HS3ST5: variants seen among roughly 807,000 people sequenced by gnomAD.
HS3ST5 encodes the protein heparan sulfate-glucosamine 3-sulfotransferase 5, also known as heparan sulfate glucosamine 3-O-sulfotransferase 5.
In HS3ST5, 10 loss-of-function variants were observed where a neutral mutation model predicts 25.4. The observed-to-expected ratio is 0.39, with a 90% CI of 0.24 to 0.67. HS3ST5 has a LOEUF of 0.67. HS3ST5 is among the 30% of genes least tolerant of loss of function. The pLI is 0.44. For missense variants in HS3ST5, 324 were observed against 420.7 expected, an observed-to-expected ratio of 0.77 and a Z score of 2.01; for synonymous variants, 170 against 162.4, an observed-to-expected ratio of 1.05 and a Z score of -0.36.
At chr6:114,283,732 A>T (rs1439087902) in intron 1 of HS3ST5, among the ~76,000 whole-genome samples, 1 of 151,988 alleles carries the variant, frequency 6.6e-6, no homozygotes, top group Non-Finnish European at 1.5e-5. Context: ...TCCTAATGAG[A>T]TGTGCAATTC....
intron 1 of HS3ST5, among the ~76,000 whole-genome samples, chr6:114,265,866 C>T (rs968076485): frequency 2.0e-5 from 3 of 152,104 alleles, no homozygotes; most frequent in Non-Finnish European, 4.4e-5. Flanking sequence ...TGGTGTGTTT[C>T]AGCACCCTAT....
chr6:114,321,564 T>G (rs1431659423), intron 1 of HS3ST5, among the ~76,000 whole-genome samples: 1 of 152,150 alleles, frequency 6.6e-6, no homozygotes, highest in Non-Finnish European at 1.5e-5. Context: ...CAATAGTTGT[T>G]AACAGTGCAA....
At chr6:114,231,577 C>G (rs1028234808) in intron 1 of HS3ST5, 1 of 152,066 alleles carries the variant, frequency 6.6e-6, no homozygotes, top group Non-Finnish European at 1.5e-5. Flanking sequence ...TCCAGATTTC[C>G]TATCCCTTTC....
chr6:114,154,223 A>T (rs1778591903), intron 3 of HS3ST5, among the ~76,000 whole-genome samples: 1 of 152,192 alleles, frequency 6.6e-6, no homozygotes, highest in South Asian at 2.1e-4. Context: ...TGACTAGAGA[A>T]GTCTGTGATC....
intron 4 of HS3ST5, chr6:114,059,214 C>T (rs1772951138): frequency 6.6e-6 from 1 of 152,166 alleles, no homozygotes; most frequent in African/African-American, 2.4e-5. Flanking sequence ...TAGGTATAGT[C>T]TGAATTGAAC....
intron 2 of HS3ST5, among the ~76,000 whole-genome samples, chr6:114,176,577 A>G (rs1168946534): frequency 1.3e-5 from 2 of 152,164 alleles, no homozygotes; most frequent in African/African-American, 4.8e-5. Context: ...ATGCTTACCT[A>G]CAGGTTTAGA....
intron 1 of HS3ST5, among the ~76,000 whole-genome samples, chr6:114,333,208 T>C (rs557675568): frequency 2.0e-5 from 3 of 152,280 alleles, no homozygotes; most frequent in African/African-American, 4.8e-5. Context: ...GGAAGCAGGA[T>C]TGTCACATCT....
At chr6:114,095,091 A>G (rs1775350056) in intron 3 of HS3ST5, among the ~76,000 whole-genome samples, 1 of 152,216 alleles carries the variant, frequency 6.6e-6, no homozygotes, top group South Asian at 2.1e-4. Flanking sequence ...GCCCAAACTC[A>G]TGCCCCATAG....
At position 114,266,512 on chromosome 6, in the gene HS3ST5, G is replaced by GA. The variant is rs558231746; in HGVS notation, c.-338-37735dup. On this transcript the variant is annotated intron_variant, in intron 1 of 4. Transcript: ENST00000312719. Reference sequence around the variant, plus strand: ...AGTTGTCTGTTCATGAGAGAAGCAAGAAAAAACAATTGCTGATTGTCACTT... The same window carrying GA: ...AGTTGTCTGTTCATGAGAGAAGCAAGAAAAAAACAATTGCTGATTGTCACTT... Among the ~76,000 whole-genome samples, 991 of 152,190 alleles carry GA rather than the reference G, an allele frequency of 6.5e-3. 10 individuals carry two copies. The highest frequency in any genetic ancestry group is 0.022 in the African/African-American group (929 of 41,536).
At chr6:114,247,755 A>T (rs1772446463) in intron 1 of HS3ST5, among the ~76,000 whole-genome samples, 1 of 151,148 alleles carries the variant, frequency 6.6e-6, no homozygotes, top group Admixed American at 6.6e-5. Flanking sequence ...CTTATTTAAT[A>T]TCCATATTTT....
chr6:114,313,793 T>C (rs925059493), intron 1 of HS3ST5, among the ~76,000 whole-genome samples: 1 of 152,220 alleles, frequency 6.6e-6, no homozygotes, highest in African/African-American at 2.4e-5. Context: ...GTGCATTTAT[T>C]GTATGTAAAT....
At chr6:114,162,390 A>G (rs1172623834) in intron 3 of HS3ST5, among the ~76,000 whole-genome samples, 12 of 152,224 alleles carry the variant, frequency 7.9e-5, no homozygotes, top group Admixed American at 4.6e-4. Context: ...TATCTCTTAC[A>G]TTAATTTCTT....
chr6:114,125,118 A>G (rs895033708), intron 3 of HS3ST5, among the ~76,000 whole-genome samples: 1 of 152,102 alleles, frequency 6.6e-6, no homozygotes, highest in Non-Finnish European at 1.5e-5. Flanking sequence ...GTAAAATAAA[A>G]TATGTTCAAT....
rs1455062704 is a variant in HS3ST5 at position 114,205,702 on chromosome 6, A to G, written c.-145+22883T>C. 2.6e-5 allele frequency among the ~76,000 whole-genome samples: 4 copies of G among 152,022 alleles called. No homozygotes were observed. The East Asian group carries it at 7.7e-4, about 29-fold the overall frequency. ...GGGACCTCTTTTGTGAAAAGGACCA[A>G]TTTTTTTATGGACTCGGGGTAGTGG... On this transcript the variant is annotated intron_variant, in intron 2 of 4. Coordinates refer to ENST00000312719, the MANE Select transcript of HS3ST5 (RefSeq NM_153612.4).
chr6:114,163,181 C>A (rs532851437), intron 3 of HS3ST5, among the ~76,000 whole-genome samples: 7 of 152,110 alleles, frequency 4.6e-5, no homozygotes, highest in South Asian at 2.1e-4. Context: ...TTAATAAATT[C>A]TCTTTCGTTT....
intron 1 of HS3ST5, among the ~76,000 whole-genome samples, chr6:114,324,394 A>G (rs1457485792): frequency 2.6e-5 from 4 of 152,210 alleles, no homozygotes; most frequent in Non-Finnish European, 5.9e-5. Flanking sequence ...CATCATTTAC[A>G]CATGGCTTTT....
At chr6:114,270,014 A>G (rs1205461247) in intron 1 of HS3ST5, among the ~76,000 whole-genome samples, 1 of 152,206 alleles carries the variant, frequency 6.6e-6, no homozygotes, top group Non-Finnish European at 1.5e-5. Flanking sequence ...CAGTGCTAGT[A>G]TTGATCTAGC....
rs149205159 is a variant in HS3ST5 at position 114,272,668 on chromosome 6, C to T, written c.-338-43890G>A. The stretch of plus-strand genomic sequence containing the variant: ...AGCCCAGCCTTCAGCCCAGGATCCA[C>T]GTGGGACCTCCACAAAGACCCCTGG... On this transcript the variant is annotated intron_variant, in intron 1 of 4. Coordinates refer to ENST00000312719, the MANE Select transcript of HS3ST5 (RefSeq NM_153612.4). 4.2e-4 allele frequency among the ~76,000 whole-genome samples: 64 copies of T among 152,222 alleles called. 1 individual carries two copies. Among genetic ancestry groups the T allele is most frequent in the African/African-American group, 1.3e-3 (56 of 41,562 alleles).
At chr6:114,100,539 A>C (rs1048088560) in intron 3 of HS3ST5, among the ~76,000 whole-genome samples, 2 of 152,186 alleles carry the variant, frequency 1.3e-5, no homozygotes, top group African/African-American at 4.8e-5. Flanking sequence ...ACACTGCCCA[A>C]CTATTTCTTC....
Sources: allele counts gnomAD v4.1 joint callset (sites outside exome capture counted in the v4.1 genomes callset), GRCh38; gene constraint gnomAD v4.1.1; transcripts MANE v1.5; gene names NCBI Gene and HGNC (gene_info 2026-07-23, HGNC 2026-07-21).